Variants in ECE1 observed in about 807,000 individuals in gnomAD.
The protein encoded by ECE1 is endothelin-converting enzyme 1.
Under a neutral mutation model 98.6 loss-of-function variants are expected in ECE1, and 35 were observed. That is an observed-to-expected ratio of 0.35 (90% confidence interval 0.27 to 0.47). The LOEUF (loss-of-function observed/expected upper bound fraction) is 0.47, where lower values mean the gene tolerates loss of function less well. Among genes scored for constraint, ECE1 ranks in the 20% least tolerant of loss-of-function variants. ECE1 has a pLI of 1.00. For synonymous variants in ECE1, 394 were observed against 407.1 expected, an observed-to-expected ratio of 0.97 and a Z score of 0.39; for missense variants, 814 against 1,025.3, an observed-to-expected ratio of 0.79 and a Z score of 2.81.
At position 21,235,224 on chromosome 1, in the gene ECE1, G is replaced by T. The variant is rs1375116378; in HGVS notation, c.1566+626C>A. On this transcript the variant is annotated intron_variant, in intron 13 of 18. Coordinates refer to ENST00000374893, the MANE Select transcript of ECE1 (RefSeq NM_001397.3). This position sits in a 1 kb window ranked among gnomAD's most constrained non-coding sequence, Gnocchi z 4.2. Reference sequence around the variant, plus strand: ...AAGATATAAAACTTCATAATTTGAGGCAGAAGCACAATCCACCTAACTGAG... The same window carrying T: ...AAGATATAAAACTTCATAATTTGAGTCAGAAGCACAATCCACCTAACTGAG... Among the ~76,000 whole-genome samples, 1 of 152,172 alleles carries T rather than the reference G, an allele frequency of 6.6e-6. No homozygotes were observed. Among genetic ancestry groups the T allele is most frequent in the East Asian group, 1.9e-4 (1 of 5,184 alleles).
At chr1:21,257,421 C>T in intron 7 of ECE1, 104 bp downstream of exon 7, 1 of 1,309,960 alleles carries the variant, frequency 7.6e-7, no homozygotes, top group Non-Finnish European at 1.1e-6. Flanking sequence ...TCACTGACAC[C>T]CCTGGGCTCC....
chr1:21,294,522 C>G (rs1405811886), upstream of ECE1: 1 of 152,548 alleles, frequency 6.6e-6, no homozygotes, highest in Non-Finnish European at 1.5e-5. This position sits in a 1 kb window ranked among gnomAD's most constrained non-coding sequence, Gnocchi z 4.2. Flanking sequence ...CCCCGGTGCC[C>G]CAGCTGCACA....
At position 21,322,910 on chromosome 1, in the gene ECE1, G is replaced by C. The variant is rs1325564182; in HGVS notation, c.3+22466C>G. Among the ~76,000 whole-genome samples, 3 of 152,102 alleles carry C rather than the reference G, an allele frequency of 2.0e-5. No individual in the cohort carries two copies. Among genetic ancestry groups the C allele is most frequent in the African/African-American group, 4.8e-5 (2 of 41,404 alleles). ...CCCCTCACTGGGGCTTTGGAGGGAG[G>C]GCAGGTCCCAGGGCTCAGGGGTTGG... On this transcript the variant is annotated intron_variant, in intron 1 of 18. Coordinates refer to the ECE1 transcript ENST00000415912. This position sits in a 1 kb window ranked among gnomAD's most constrained non-coding sequence, Gnocchi z 4.1.
intron 2 of ECE1, among the ~76,000 whole-genome samples, chr1:21,287,079 T>C (rs1432702926): frequency 6.6e-6 from 1 of 152,200 alleles, no homozygotes; most frequent in East Asian, 1.9e-4. Flanking sequence ...GGCTGAAAAA[T>C]GGAAGTGTTC....
At chr1:21,226,144 G>A (rs1327663131) in intron 16 of ECE1, among the ~76,000 whole-genome samples, 2 of 152,212 alleles carry the variant, frequency 1.3e-5, no homozygotes, top group African/African-American at 4.8e-5. Flanking sequence ...CCCAAGGAAG[G>A]AGGCAATGAG....
chr1:21,325,287 G>C (rs1639054036), intron 1 of ECE1, among the ~76,000 whole-genome samples: 2 of 152,198 alleles, frequency 1.3e-5, no homozygotes, highest in Non-Finnish European at 2.9e-5. Context: ...TCTGCTCAAG[G>C]CAGGTGCCAG....
At chr1:21,262,711 A>G (rs2098228633) in intron 4 of ECE1, among the ~76,000 whole-genome samples, 1 of 152,210 alleles carries the variant, frequency 6.6e-6, no homozygotes, top group South Asian at 2.1e-4. Flanking sequence ...ACCTGTCTGC[A>G]AGCCCCAAAT....
chr1:21,276,716 C>A, intron 3 of ECE1, among the ~76,000 whole-genome samples: 1 of 145,348 alleles, frequency 6.9e-6, no homozygotes, highest in Admixed American at 7.0e-5. Flanking sequence ...GACGGAGTCT[C>A]GCTCTGTCGC....
At chr1:21,311,056 A>T (rs1367145505) in intron 1 of ECE1, among the ~76,000 whole-genome samples, 2 of 152,242 alleles carry the variant, frequency 1.3e-5, no homozygotes, top group African/African-American at 4.8e-5. Flanking sequence ...TCAAAGACAC[A>T]TTCTGCCATC....
intron 1 of ECE1, among the ~76,000 whole-genome samples, chr1:21,339,499 G>A (rs1372127588): frequency 6.6e-6 from 1 of 152,166 alleles, no homozygotes; most frequent in Non-Finnish European, 1.5e-5. Flanking sequence ...TTGAGCCTCA[G>A]CTTTTACAAC....
At chr1:21,232,257 G>A (rs1317839303) in intron 14 of ECE1, among the ~76,000 whole-genome samples, 1 of 151,986 alleles carries the variant, frequency 6.6e-6, no homozygotes. Flanking sequence ...CTGGAACTGG[G>A]CTGACTACAT....
chr1:21,219,837 A>C lies in ECE1; in HGVS notation c.*118T>G. The C allele has an allele frequency of 7.4e-7, 1 of 1,347,906 alleles. No homozygotes were observed. The highest frequency in any genetic ancestry group is 1.0e-6 in the Non-Finnish European group (1 of 964,602). The allele number at this position is 1,347,906 out of a possible 1,614,324, so 83.5% of individuals were successfully genotyped here. Reference sequence around the variant, plus strand: ...GCTCGGTTCCGGCTGAAAACCCGCCAGTGTGAGGAAGCAGGGCCCCGGGTG... The same window carrying C: ...GCTCGGTTCCGGCTGAAAACCCGCCCGTGTGAGGAAGCAGGGCCCCGGGTG... On this transcript the variant is annotated 3_prime_UTR_variant, in exon 19 of 19. Transcript: ENST00000374893. This position sits in a 1 kb window ranked among gnomAD's most constrained non-coding sequence, Gnocchi z 4.5.
chr1:21,265,697 C>G (rs2098233038), intron 4 of ECE1, among the ~76,000 whole-genome samples: 1 of 152,100 alleles, frequency 6.6e-6, no homozygotes, highest in South Asian at 2.1e-4. Flanking sequence ...CAGGCTGGCA[C>G]TGTCCCCTTT....
At position 21,331,865 on chromosome 1, in the gene ECE1, G is replaced by A. The variant is rs181299278; in HGVS notation, c.3+13511C>T. ...ACTGCTAAGACTAGTAAAACACCGC[G>A]GGCAGGAAAGAATGGAGGATTACTG... On this transcript the variant is annotated intron_variant, in intron 1 of 18. Transcript: ENST00000415912. 2.9e-3 allele frequency among the ~76,000 whole-genome samples: 439 copies of A among 152,188 alleles called. 4 individuals carry two copies. The highest frequency in any genetic ancestry group is 4.4e-3 in the Non-Finnish European group (298 of 68,014).
chr1:21,279,414 G>A, intron 2 of ECE1, 82 bp from the exon 3 acceptor site: 1 of 1,608,710 alleles, frequency 6.2e-7, no homozygotes, highest in Non-Finnish European at 8.5e-7. Flanking sequence ...TCCGCTGCAG[G>A]CCCAGGCCCT....
intron 1 of ECE1, among the ~76,000 whole-genome samples, chr1:21,339,738 A>G (rs1639366955): frequency 6.6e-6 from 1 of 152,172 alleles, no homozygotes; most frequent in Middle Eastern, 3.4e-3. Flanking sequence ...CACCTAGCCG[A>G]TTTCCTGAAT....
chr1:21,284,800 C>T (rs2098258777), intron 2 of ECE1, among the ~76,000 whole-genome samples: 1 of 152,184 alleles, frequency 6.6e-6, no homozygotes, highest in Non-Finnish European at 1.5e-5. Context: ...GAAGGCAGAA[C>T]CCAGCAACCT....
At chr1:21,243,978 G>A (rs962111860) in intron 10 of ECE1, among the ~76,000 whole-genome samples, 5 of 152,204 alleles carry the variant, frequency 3.3e-5, no homozygotes, top group African/African-American at 4.8e-5. Flanking sequence ...GAGAGAGGAC[G>A]TGTAGGATGC....
chr1:21,271,130 C>T (rs2098239730), intron 4 of ECE1, among the ~76,000 whole-genome samples: 1 of 152,180 alleles, frequency 6.6e-6, no homozygotes, highest in African/African-American at 2.4e-5. Context: ...GAGCTTCAAC[C>T]CTACCTCCAT....
Sources: gnomAD v4.1 joint callset for allele counts (sites outside exome capture counted in the v4.1 genomes callset) on GRCh38, gnomAD v4.1.1 for gene constraint, Gnocchi (gnomAD v3.1) non-coding constraint, MANE v1.5 for transcripts, NCBI Gene and HGNC (gene_info 2026-07-23, HGNC 2026-07-21) for gene names.